Variants in ARMC9 observed in about 807,000 individuals in gnomAD.
The protein encoded by ARMC9 is armadillo repeat containing 9, also known as lisH domain-containing protein ARMC9.
A neutral mutation model predicts 107.0 loss-of-function variants in ARMC9; 94 were observed. The observed-to-expected ratio is 0.88, with a 90% CI of 0.74 to 1.04. ARMC9 has a LOEUF of 1.04. Ranked by LOEUF, ARMC9 falls within the 50% of genes least tolerant of loss-of-function variation. The probability of loss-of-function intolerance (pLI) is 0.00; values close to 1 mark genes in which losing one functional copy is unlikely to be tolerated. For synonymous variants in ARMC9, 380 were observed against 396.9 expected, an observed-to-expected ratio of 0.96 and a Z score of 0.51; for missense variants, 942 against 1,030.1, an observed-to-expected ratio of 0.91 and a Z score of 1.17.
At chr2:231,239,915 A>G in intron 8 of ARMC9, 28 bp from the exon 9 acceptor site, 1 of 1,594,960 alleles carries the variant, frequency 6.3e-7, no homozygotes, top group Non-Finnish European at 8.6e-7. Context: ...TCATGCCATC[A>G]CCAGATGTCT....
chr2:231,312,831 T>A (rs1308347088), intron 19 of ARMC9, among the ~76,000 whole-genome samples: 5 of 152,218 alleles, frequency 3.3e-5, no homozygotes, highest in Admixed American at 2.6e-4. Flanking sequence ...AATGAACTAA[T>A]CTGTATATTA....
intron 20 of ARMC9, among the ~76,000 whole-genome samples, chr2:231,344,503 C>T (rs1476644906): frequency 6.6e-6 from 1 of 152,160 alleles, no homozygotes; most frequent in African/African-American, 2.4e-5. Flanking sequence ...GTAGGAGCTC[C>T]TTAGCTATGA....
At chr2:231,361,585 G>A (rs1233841683) in intron 23 of ARMC9, among the ~76,000 whole-genome samples, 3 of 151,908 alleles carry the variant, frequency 2.0e-5, no homozygotes, top group African/African-American at 7.3e-5. Flanking sequence ...GTTCTTTAGG[G>A]TCTAGAAAGG....
At chr2:231,348,268 G>A (rs900444320) in intron 21 of ARMC9, among the ~76,000 whole-genome samples, 6 of 152,250 alleles carry the variant, frequency 3.9e-5, no homozygotes, top group African/African-American at 1.4e-4. Flanking sequence ...TGACAACTGT[G>A]TCAGAAGTCT....
At position 231,256,621 on chromosome 2, in the gene ARMC9, G is replaced by GT; in HGVS notation, c.914+2dup. 6.2e-7 allele frequency: 1 copy of GT among 1,613,796 alleles called. No individual in the cohort carries two copies. The highest frequency in any genetic ancestry group is 8.5e-7 in the Non-Finnish European group (1 of 1,179,754). ...TGTTACGAGCCTCCTTGGCACCCGT[G>GT]TAAGTAACTGCTCTTAGGAATTTTT... is the stretch of plus-strand genomic sequence containing the variant. On this transcript the variant is annotated splice_donor_variant, in intron 10 of 24. Coordinates refer to ENST00000611582, the MANE Select transcript of ARMC9 (RefSeq NM_001352754.2). LOFTEE classifies it high-confidence loss of function.
intron 19 of ARMC9, among the ~76,000 whole-genome samples, chr2:231,329,607 C>T (rs2125553522): frequency 6.6e-6 from 1 of 152,328 alleles, no homozygotes; most frequent in South Asian, 2.1e-4. Context: ...CCGCGCCCGG[C>T]AGATTTCTTT....
At chr2:231,278,893 T>C (rs1376237459) in intron 16 of ARMC9, among the ~76,000 whole-genome samples, 1 of 152,254 alleles carries the variant, frequency 6.6e-6, no homozygotes, top group East Asian at 1.9e-4. Flanking sequence ...GGCTTTTCCC[T>C]TGTGTTTTTA....
At chr2:231,271,257 A>G (rs2039303962) in intron 13 of ARMC9, among the ~76,000 whole-genome samples, 185 bp downstream of exon 13, 1 of 152,182 alleles carries the variant, frequency 6.6e-6, no homozygotes, top group Non-Finnish European at 1.5e-5. Flanking sequence ...ATATCAGAGC[A>G]CATTTGGACA....
intron 13 of ARMC9, among the ~76,000 whole-genome samples, chr2:231,272,140 A>G (rs2039374063): frequency 6.6e-6 from 1 of 150,494 alleles, no homozygotes; most frequent in Non-Finnish European, 1.5e-5. Context: ...ATCTTTTAAT[A>G]AGTTTTAATA....
chr2:231,271,533 A>G (rs547884740), intron 13 of ARMC9, among the ~76,000 whole-genome samples: 15 of 152,354 alleles, frequency 9.8e-5, no homozygotes, highest in Middle Eastern at 3.4e-3. Flanking sequence ...TGAAAATAAC[A>G]TGCCCCCATA....
intron 14 of ARMC9, 75 bp downstream of exon 14, chr2:231,273,153 G>A: frequency 6.5e-7 from 1 of 1,540,442 alleles, no homozygotes; most frequent in African/African-American, 1.4e-5. Flanking sequence ...CAACCCAGGA[G>A]GCAGATGGTA....
chr2:231,259,150 G>T (rs2038108676), intron 11 of ARMC9, 48 bp downstream of exon 11: 1 of 1,489,238 alleles, frequency 6.7e-7, no homozygotes, highest in Non-Finnish European at 9.3e-7. Context: ...AACCAGTGCT[G>T]GTTTTCTTGG....
At chr2:231,311,359 G>T (rs2042335653) in intron 19 of ARMC9, among the ~76,000 whole-genome samples, 1 of 152,016 alleles carries the variant, frequency 6.6e-6, no homozygotes, top group Admixed American at 6.6e-5. Flanking sequence ...GTGCTGCTGG[G>T]ACAGGGCCGT....
chr2:231,250,995 G>T (rs1363742025), intron 9 of ARMC9, among the ~76,000 whole-genome samples: 1 of 152,134 alleles, frequency 6.6e-6, no homozygotes, highest in Non-Finnish European at 1.5e-5. Context: ...ATGTCAGTGA[G>T]TACATCCTTA....
intron 20 of ARMC9, among the ~76,000 whole-genome samples, chr2:231,342,969 A>G (rs2044607136): frequency 6.6e-6 from 1 of 151,942 alleles, no homozygotes; most frequent in Admixed American, 6.6e-5. Flanking sequence ...GCTGGAGTGC[A>G]ATGGTGCCAT....
intron 5 of ARMC9, among the ~76,000 whole-genome samples, chr2:231,220,279 T>C (rs557745121): frequency 6.6e-6 from 1 of 152,270 alleles, no homozygotes; most frequent in East Asian, 1.9e-4. Context: ...TCTCATTCCT[T>C]CCTGTCTTTT....
Position 231,222,753 on chromosome 2 carries a change from T to A in ARMC9, c.530T>A (p.Leu177Ter). The change falls in exon 6 of 25, where the codon TTG becomes TAG. Residue 177 changes from leucine (L) to a stop codon, truncating the protein, a stop_gained. Transcript: ENST00000611582. LOFTEE classifies it high-confidence loss of function. ...FQDSWTPELKLKLIKFLALIS... is the reference protein window; with the variant it reads ...FQDSWTPELK ...GATTCCTGGACTCCAGAGTTAAAGT[T>A]GAAGTTGATAAAGTTTCTAGCTTTA... 1 of 1,580,778 alleles carries A rather than the reference T, an allele frequency of 6.3e-7. No individual in the cohort carries two copies. Among genetic ancestry groups the A allele is most frequent in the Non-Finnish European group, 8.7e-7 (1 of 1,152,078 alleles).
rs552304971 is a variant in ARMC9 at position 231,336,560 on chromosome 2, A to G, written c.1878+4663A>G. Among the ~76,000 whole-genome samples the G allele has an allele frequency of 3.3e-5, 5 of 152,314 alleles. No homozygotes were observed. In the South Asian group the frequency reaches 1.0e-3, roughly 32 times the overall value. On this transcript the variant is annotated intron_variant, in intron 20 of 24. Transcript: ENST00000611582. ...CCCGTGTGACATATTCGTAATAACT[A>G]TATGATCTATGTTTTCGTCACAGAC...
At chr2:231,252,248 T>G (rs36080304) in intron 9 of ARMC9, among the ~76,000 whole-genome samples, 1 of 152,182 alleles carries the variant, frequency 6.6e-6, no homozygotes, top group Non-Finnish European at 1.5e-5. Context: ...TATATTATGG[T>G]AATATTTTAT....
Sources: allele counts gnomAD v4.1 joint callset (sites outside exome capture counted in the v4.1 genomes callset), GRCh38; gene constraint gnomAD v4.1.1; transcripts MANE v1.5; gene names NCBI Gene and HGNC (gene_info 2026-07-23, HGNC 2026-07-21).